The following COL14A1 variants were observed in gnomAD, a reference collection of about 807,000 sequenced individuals.
COL14A1 encodes the protein collagen type XIV alpha 1 chain.
A neutral mutation model predicts 230.3 loss-of-function variants in COL14A1; 136 were observed. The ratio of observed to expected loss-of-function variants is 0.59; its 90% confidence interval spans 0.51 to 0.68. The LOEUF (loss-of-function observed/expected upper bound fraction) is 0.68, where lower values mean the gene tolerates loss of function less well. Among genes scored for constraint, COL14A1 ranks in the 30% least tolerant of loss-of-function variants. The pLI is 0.00. For synonymous variants in COL14A1, 792 were observed against 784.1 expected (o/e 1.01, Z -0.17); for missense variants, 1,976 against 2,215.8 (o/e 0.89, Z 2.17).
In COL14A1 at chr8:120,373,387, A is replaced by C. The variant is rs952888719; in HGVS notation, c.*2156A>C. On this transcript the variant is annotated 3_prime_UTR_variant, in exon 48 of 48. Transcript: ENST00000297848. ...GTATATCAGATTTTTATTGAGTAAA[A>C]TGTTAAAAATAATAAGTGTAACTCA... Among the ~76,000 whole-genome samples, 11 of 152,170 alleles carry C rather than the reference A, an allele frequency of 7.2e-5. No individual in the cohort carries two copies. The highest frequency in any genetic ancestry group is 2.4e-4 in the African/African-American group (10 of 41,448).
intron 14 of COL14A1, among the ~76,000 whole-genome samples, chr8:120,216,991 C>T (rs1315335050): frequency 6.6e-6 from 1 of 152,116 alleles, no homozygotes; most frequent in Non-Finnish European, 1.5e-5. Flanking sequence ...CCAGCTTCAC[C>T]CAGATTTATA....
At chr8:120,311,766 T>C (rs1401910373) in intron 37 of COL14A1, among the ~76,000 whole-genome samples, 2 of 152,172 alleles carry the variant, frequency 1.3e-5, no homozygotes, top group South Asian at 2.1e-4. Flanking sequence ...CCCCTAGTTT[T>C]TGCCCTTCTA....
chr8:120,144,637 A>G (rs778095763), intron 1 of COL14A1, among the ~76,000 whole-genome samples: 17 of 152,342 alleles, frequency 1.1e-4, no homozygotes, highest in Non-Finnish European at 2.4e-4. Flanking sequence ...TTTTTAAACT[A>G]CTAACCTATA....
At chr8:120,254,821 CA>C (rs59681431) in intron 22 of COL14A1, among the ~76,000 whole-genome samples, 9,673 of 93,508 alleles carry the variant, frequency 0.1, 570 homozygotes, top group East Asian at 0.39. Context: ...ACTGCCTCTA[CA>C]AAAAAAAAAA....
chr8:120,356,000 G>A (rs117632001), intron 45 of COL14A1, among the ~76,000 whole-genome samples: 138 of 152,260 alleles, frequency 9.1e-4, no homozygotes, highest in Non-Finnish European at 1.5e-3. Context: ...CAAGTGTTGC[G>A]CTCAGTCCTG....
chr8:120,289,149 C>G (rs892069253), intron 33 of COL14A1, among the ~76,000 whole-genome samples: 2 of 152,158 alleles, frequency 1.3e-5, no homozygotes, highest in Non-Finnish European at 2.9e-5. Flanking sequence ...GATTCTAGAT[C>G]CCCTTTCCTC....
At chr8:120,208,096 C>T (rs1432045887) in intron 10 of COL14A1, 136 bp from the exon 11 acceptor site, 14 of 791,724 alleles carry the variant, frequency 1.8e-5, no homozygotes, top group Non-Finnish European at 2.7e-5. Context: ...TTGACTGCCA[C>T]AGTGGAAAGG....
intron 1 of COL14A1, among the ~76,000 whole-genome samples, chr8:120,140,755 T>G (rs1237313915): frequency 2.0e-5 from 3 of 152,226 alleles, no homozygotes; most frequent in Non-Finnish European, 4.4e-5. Context: ...CTGTAAGCAT[T>G]GCTTAATGCT....
In COL14A1 at chr8:120,146,206, C is replaced by T. The variant is rs142085525; in HGVS notation, c.-37-1600C>T. 5.0e-4 allele frequency among the ~76,000 whole-genome samples: 76 copies of T among 152,310 alleles called. 1 individual carries two copies. In the East Asian group the frequency reaches 0.011, roughly 22 times the overall value. On this transcript the variant is annotated intron_variant, in intron 1 of 47. Coordinates refer to ENST00000297848, the MANE Select transcript of COL14A1 (RefSeq NM_021110.4). The stretch of plus-strand genomic sequence containing the variant: ...ATATGTGTACTTGGAGTAGTCTTTA[C>T]ATACAGCAAGGGCTCAATACATTTT...
intron 24 of COL14A1, among the ~76,000 whole-genome samples, chr8:120,264,116 GT>G (rs1389179694): frequency 6.6e-6 from 1 of 152,104 alleles, no homozygotes. Flanking sequence ...GCTATTTGAA[GT>G]CGATCTCCTT....
chr8:120,200,659 C>G (rs1431850962), intron 8 of COL14A1, among the ~76,000 whole-genome samples: 2 of 143,298 alleles, frequency 1.4e-5, no homozygotes, highest in Admixed American at 1.4e-4. Flanking sequence ...AATATCTCCT[C>G]TAGGTATACT....
intron 14 of COL14A1, among the ~76,000 whole-genome samples, chr8:120,219,064 A>C (rs1382327191): frequency 6.6e-6 from 1 of 151,488 alleles, no homozygotes; most frequent in East Asian, 1.9e-4. Context: ...AATAATCATA[A>C]GCATTCTTTT....
At chr8:120,287,002 C>A (rs1820224187) in intron 33 of COL14A1, among the ~76,000 whole-genome samples, 1 of 152,124 alleles carries the variant, frequency 6.6e-6, no homozygotes, top group Admixed American at 6.5e-5. Flanking sequence ...ATGAGCAGAA[C>A]ATTTACTAGG....
At position 120,209,791 on chromosome 8, in the gene COL14A1, G is replaced by A. The variant is rs760449505; in HGVS notation, c.1357G>A (p.Asp453Asn). 13 of 1,613,452 alleles carry A rather than the reference G, an allele frequency of 8.1e-6. No individual in the cohort carries two copies. The South Asian group carries it at 1.2e-4, about 15-fold the overall frequency. Residue 453 changes from aspartate (D) to asparagine (N), a missense_variant, in exon 12 of 48, where the codon GAC becomes AAC. Transcript: ENST00000297848. ...LPMASDLLLY[D>N]VTENSMRVKW... Reference sequence around the variant, plus strand: ...GATGGCTTCTGACCTTCTACTGTACGACGTGACTGAGAACAGCATGCGAGT... The same window carrying A: ...GATGGCTTCTGACCTTCTACTGTACAACGTGACTGAGAACAGCATGCGAGT...
At chr8:120,126,255 C>T (rs1814332520) in intron 1 of COL14A1, among the ~76,000 whole-genome samples, 1 of 152,180 alleles carries the variant, frequency 6.6e-6, no homozygotes, top group African/African-American at 2.4e-5. Context: ...GCCTGGAGGC[C>T]GCCGGCAGGT....
At chr8:120,264,813 T>C (rs1420519542) in intron 24 of COL14A1, among the ~76,000 whole-genome samples, 1 of 152,154 alleles carries the variant, frequency 6.6e-6, no homozygotes, top group Non-Finnish European at 1.5e-5. Context: ...CACACCTTAA[T>C]GTTCACGCTA....
At chr8:120,219,928 G>A (rs1280631715) in intron 14 of COL14A1, among the ~76,000 whole-genome samples, 4 of 152,024 alleles carry the variant, frequency 2.6e-5, no homozygotes, top group Non-Finnish European at 4.4e-5. Context: ...AAAATTTTGA[G>A]TAAAATGCAT....
rs184201785 is a variant in COL14A1 at position 120,253,535 on chromosome 8, G to T, written c.2753-1705G>T. On this transcript the variant is annotated intron_variant, in intron 22 of 47. Coordinates refer to ENST00000297848, the MANE Select transcript of COL14A1 (RefSeq NM_021110.4). ...TATTTATTCTCTCTATTTCTCCCAA[G>T]CAAAAGAAAATCTCCCACAATGGCA... is the stretch of plus-strand genomic sequence containing the variant. Among the ~76,000 whole-genome samples the T allele has an allele frequency of 1.4e-3, 207 of 152,166 alleles. 1 individual carries two copies. The highest frequency in any genetic ancestry group is 4.8e-3 in the African/African-American group (199 of 41,506).
At chr8:120,127,859 C>A (rs1408020835) in intron 1 of COL14A1, among the ~76,000 whole-genome samples, 2 of 152,144 alleles carry the variant, frequency 1.3e-5, no homozygotes, top group Non-Finnish European at 2.9e-5. Context: ...AGGACAAGAG[C>A]CTTCCTAGAA....
Sources: gnomAD v4.1 joint callset for allele counts (sites outside exome capture counted in the v4.1 genomes callset) on GRCh38, gnomAD v4.1.1 for gene constraint, MANE v1.5 for transcripts, NCBI Gene and HGNC (gene_info 2026-07-23, HGNC 2026-07-21) for gene names.